Variants in CCDC17 observed in about 807,000 individuals in gnomAD.
CCDC17 encodes coiled-coil domain containing 17.
A neutral mutation model predicts 68.0 loss-of-function variants in CCDC17; 79 were observed. The observed-to-expected ratio is 1.16, with a 90% CI of 0.97 to 1.40. The LOEUF is 1.40. Among genes scored for constraint, CCDC17 ranks in the 40% most tolerant of loss-of-function variants. The pLI, the probability that CCDC17 is intolerant of heterozygous loss-of-function variation, is 0.00. For missense variants in CCDC17, 846 were observed against 811.5 expected, an observed-to-expected ratio of 1.04 and a Z score of -0.52; for synonymous variants, 376 against 337.5, an observed-to-expected ratio of 1.11 and a Z score of -1.25.
rs536276500 is a variant in CCDC17 at position 45,620,981 on chromosome 1, A to G, written c.1521T>C (p.Ser507=). ...CCCGAAGTGGGAGGCGCCAGCGGCCACTTAGCACCCGCTGATCTTGGTCAA... is the reference window on the plus strand; with the variant it reads ...CCCGAAGTGGGAGGCGCCAGCGGCCGCTTAGCACCCGCTGATCTTGGTCAA... ...GLFDQDQRVL[S]GRWRLPLRAL... The change falls in exon 11 of 13, where the codon AGT becomes AGC. Residue 507 remains serine (S), a synonymous_variant. Transcript: ENST00000528266. 2.5e-6 allele frequency: 4 copies of G among 1,613,852 alleles called. No homozygotes were observed. Among genetic ancestry groups the G allele is most frequent in the Admixed American group, 1.7e-5 (1 of 59,980 alleles).
rs774329603 is a variant in CCDC17, at chr1:45,623,692, C to G, written c.175-40G>C. 1.9e-6 allele frequency: 3 copies of G among 1,549,284 alleles called. No individual in the cohort carries two copies. In the South Asian group the frequency reaches 3.6e-5, roughly 18 times the overall value. ...TAGTAGGATGAGGAATCATAAAGGT[C>G]CTGGCTCCTTTGAATCCCCACCCAT... On this transcript the variant is annotated intron_variant, in intron 1 of 12. Coordinates refer to ENST00000528266, the MANE Select transcript of CCDC17 (RefSeq NM_001114938.3).
chr1:45,622,108 C>T (rs1035928362), intron 7 of CCDC17, 113 bp from the exon 8 acceptor site: 32 of 1,284,974 alleles, frequency 2.5e-5, no homozygotes, highest in South Asian at 1.1e-4. Context: ...CCTGTGGATA[C>T]AGGGATACAC....
chr1:45,623,997 A>C lies in CCDC17; in HGVS notation c.-88T>G, dbSNP rs754310789. ...GGCAGAGGAGGATGAAAGAGACATA[A>C]AGCCAGAGGCAGAGAGGAAAGGCCG... On this transcript the variant is annotated 5_prime_UTR_variant, in exon 1 of 13. Transcript: ENST00000528266. The C allele has an allele frequency of 1.8e-5, 17 of 946,426 alleles. No homozygotes were observed. Among genetic ancestry groups the C allele is most frequent in the Non-Finnish European group, 2.5e-5 (16 of 641,244 alleles). The allele number at this position is 946,426 out of a possible 1,614,324, so 58.6% of individuals were successfully genotyped here. A position where few individuals can be genotyped will look rare whatever the true frequency, so the allele number is the denominator to read the frequency against.
chr1:45,622,886 G>A (rs2148396400), intron 4 of CCDC17, 52 bp from the exon 5 acceptor site: 5 of 1,573,748 alleles, frequency 3.2e-6, no homozygotes, highest in Non-Finnish European at 4.3e-6. Flanking sequence ...GAGGCCCCGG[G>A]GCTGCAGCCA....
chr1:45,621,961 G>T lies in CCDC17; in HGVS notation c.1002C>A (p.Ser334Arg). 1 of 1,610,818 alleles carries T rather than the reference G, an allele frequency of 6.2e-7. No individual in the cohort carries two copies. ...PQDLRLLGDA[S>R]LQPKGRRDPP... ...GATCTCTCCTCCCCTTCGGTTGTAG[G>T]CTGGCATCCCCCAGGAGTCGCAGAT... The change falls in exon 8 of 13, where the codon AGC (serine) becomes AGA (arginine). Residue 334 changes from serine to arginine, a missense_variant. By Grantham distance (110) the Ser-to-Arg change is moderately radical. Transcript: ENST00000528266.
chr1:45,623,752 TCA>T lies in CCDC17; in HGVS notation c.156_157del (p.Glu53ThrfsTer28). ...GGCCCTTACCGCGGCCCGCTGGGGTTCAGTGGCAACTGATGCCTGTGCTCCAA... is the reference window on the plus strand; with the variant it reads ...GGCCCTTACCGCGGCCCGCTGGGGTTGTGGCAACTGATGCCTGTGCTCCAA... On this transcript the variant is annotated frameshift_variant, in exon 1 of 13. Transcript: ENST00000528266. LOFTEE classifies it high-confidence loss of function. The T allele has an allele frequency of 6.4e-7, 1 of 1,551,212 alleles. No homozygotes were observed. Among genetic ancestry groups the T allele is most frequent in the Non-Finnish European group, 8.7e-7 (1 of 1,146,698 alleles).
chr1:45,621,102 G>A lies in CCDC17; in HGVS notation c.1400C>T (p.Ser467Leu). The part of the protein sequence containing the change: ...SRQPVPRLPP[S>L]SSVSLVCELQ... ...CTCACAGACCAAAGATACTGATGAT[G>A]AGGGTGGTAGTCTGTAGAATAACCA... The change falls in exon 11 of 13, where the codon TCA (serine) becomes TTA (leucine). Residue 467 changes from serine (S) to leucine (L), a missense_variant. By Grantham distance (145) the Ser-to-Leu change is moderately radical. Coordinates refer to ENST00000528266, the MANE Select transcript of CCDC17 (RefSeq NM_001114938.3). 6.2e-7 allele frequency: 1 copy of A among 1,613,570 alleles called. No individual in the cohort carries two copies. Among genetic ancestry groups the A allele is most frequent in the African/African-American group, 1.3e-5 (1 of 75,062 alleles).
In CCDC17 at chr1:45,621,353, C is replaced by A; in HGVS notation, c.1316G>T (p.Cys439Phe). 6.3e-7 allele frequency: 1 copy of A among 1,590,278 alleles called. No individual in the cohort carries two copies. The highest frequency in any genetic ancestry group is 8.6e-7 in the Non-Finnish European group (1 of 1,168,436). ...CCCGGGAGCAGGAGGTGGGGGCAGG[C>A]AAAGGGCTGGGGGCAACGCTGTGGT... ...GRTTALPPALCLPPPPAPGPM... is the reference protein window; with the variant it reads ...GRTTALPPALFLPPPPAPGPM... The change falls in exon 10 of 13, where the codon TGC (cysteine) becomes TTC (phenylalanine). Residue 439 changes from cysteine (C) to phenylalanine (F), a missense_variant. Physicochemically the swap from Cys to Phe is radical, Grantham distance 205. Coordinates refer to ENST00000528266, the MANE Select transcript of CCDC17 (RefSeq NM_001114938.3).
chr1:45,621,494 A>G lies in CCDC17; in HGVS notation c.1185-10T>C. On this transcript the variant is annotated splice_polypyrimidine_tract_variant and intron_variant, in intron 9 of 12. Transcript: ENST00000528266. ...AATGACCAGGCCAGCCCTGGGGAAC[A>G]CAAGTCTTAGCACAGAAATACCCAA... 1 of 1,579,272 alleles carries G rather than the reference A, an allele frequency of 6.3e-7. No homozygotes were observed. Among genetic ancestry groups the G allele is most frequent in the Non-Finnish European group, 8.6e-7 (1 of 1,163,030 alleles).
At position 45,622,206 on chromosome 1, in the gene CCDC17, A is replaced by AG. The variant is rs573253340; in HGVS notation, c.967+34_967+35insC. 649 of 1,573,910 alleles carry AG rather than the reference A, an allele frequency of 4.1e-4. 5 individuals are homozygous for AG. The African/African-American group carries it at 7.9e-3, about 19-fold the overall frequency. On this transcript the variant is annotated intron_variant, in intron 7 of 12. Transcript: ENST00000528266. ...TGAGCCAGGCCTGCTGGGGAGAGAT[A>AG]AGTGGGATGGGATAGGGTTGGGGTG...
In CCDC17 at chr1:45,622,668, C is replaced by G. The variant is rs1370120790; in HGVS notation, c.741-1G>C. On this transcript the variant is annotated splice_acceptor_variant, in intron 5 of 12. Transcript: ENST00000528266. LOFTEE classifies it high-confidence loss of function. The stretch of plus-strand genomic sequence containing the variant: ...TCGAATGTAGGCCTCCCGCAGCGCC[C>G]TAGGGAGTGGGGAACAGGAAGGCCG... 3 of 1,554,650 alleles carry G rather than the reference C, an allele frequency of 1.9e-6. No homozygotes were observed. Among genetic ancestry groups the G allele is most frequent in the South Asian group, 2.4e-5 (2 of 84,260 alleles).
In CCDC17 at chr1:45,621,421, T is replaced by C; in HGVS notation, c.1248A>G (p.Gln416=). The part of the protein sequence containing the change: ...RGLEASWIWV[Q]LRTGLARDGR... ...CATCGCGTGCCAAGCCAGTCCTTAGTTGCACCCAAATCCAGGAAGCCTCAA... is the reference window on the plus strand; with the variant it reads ...CATCGCGTGCCAAGCCAGTCCTTAGCTGCACCCAAATCCAGGAAGCCTCAA... The change falls in exon 10 of 13, where the codon CAA becomes CAG. Residue 416 remains glutamine, a synonymous_variant. Transcript: ENST00000528266. 1.3e-6 allele frequency: 2 copies of C among 1,598,408 alleles called. No homozygotes were observed. The highest frequency in any genetic ancestry group is 1.1e-5 in the South Asian group (1 of 88,154).
chr1:45,621,914 A>G lies in CCDC17; in HGVS notation c.1049T>C (p.Val350Ala). ...TGGAAGTGGTGGCAGCGGTGGTGCCACCGGTGGCGGGAGGAGTGGGGGATC... is the reference window on the plus strand; with the variant it reads ...TGGAAGTGGTGGCAGCGGTGGTGCCGCCGGTGGCGGGAGGAGTGGGGGATC... Reference protein sequence around the residue: ...RRDPPLLPPPVAPPLPPLPGF... With the variant: ...RRDPPLLPPPAAPPLPPLPGF... The change falls in exon 8 of 13, where the codon GTG becomes GCG. Residue 350 changes from valine (V) to alanine (A), a missense_variant. Coordinates refer to ENST00000528266, the MANE Select transcript of CCDC17 (RefSeq NM_001114938.3). The G allele has an allele frequency of 6.2e-7, 1 of 1,607,676 alleles. No homozygotes were observed.
In CCDC17 at chr1:45,623,082, G is replaced by A; in HGVS notation, c.529C>T (p.Arg177Trp). The A allele has an allele frequency of 6.3e-7, 1 of 1,596,846 alleles. No homozygotes were observed. The highest frequency in any genetic ancestry group is 8.5e-7 in the Non-Finnish European group (1 of 1,172,382). ...SRRLQVVACTRGGMSRLFGLE... is the reference protein window; with the variant it reads ...SRRLQVVACTWGGMSRLFGLE... Reference sequence around the variant, plus strand: ...CCGAAGAGGCGGGACATCCCGCCCCGCGTACAGGCCACAACTTGGAGGCGT... The same window carrying A: ...CCGAAGAGGCGGGACATCCCGCCCCACGTACAGGCCACAACTTGGAGGCGT... Residue 177 changes from arginine to tryptophan, a missense_variant, in exon 4 of 13, where the codon CGG becomes TGG. Transcript: ENST00000528266.
Position 45,621,705 on chromosome 1 carries a change from G to GGTT in CCDC17, c.1114_1116dup (p.Asn372dup). ...AGGAGGAAGTGTGAGTCCAGGCCCA[G>GGTT]GTTTCTGGTCATTGTTCCAGGAAGC... On this transcript the variant is annotated inframe_insertion, in exon 9 of 13. Transcript: ENST00000528266. 1 of 1,613,902 alleles carries GGTT rather than the reference G, an allele frequency of 6.2e-7. No homozygotes were observed. Among genetic ancestry groups the GGTT allele is most frequent in the Non-Finnish European group, 8.5e-7 (1 of 1,179,866 alleles).
At chr1:45,622,473 A>G in intron 6 of CCDC17, 76 bp downstream of exon 6, 1 of 1,486,364 alleles carries the variant, frequency 6.7e-7, no homozygotes, top group Non-Finnish European at 9.1e-7. Context: ...CATGCCATCC[A>G]CAGCCACAGG....
Position 45,620,397 on chromosome 1 carries a change from T to G in CCDC17, c.1747A>C (p.Thr583Pro), listed in dbSNP as rs764302605. Residue 583 changes from threonine (T) to proline (P), a missense_variant, in exon 13 of 13, where the codon ACC becomes CCC. By Grantham distance (38) the Thr-to-Pro change is conservative. Transcript: ENST00000528266. Reference protein sequence around the residue: ...STSSLEASFLTPAVGFADPPP... With the variant: ...STSSLEASFLPPAVGFADPPP... ...GGATCAGCAAAGCCAACTGCGGGGGTGAGGAAGCTGGCTTCCAGTGAAGAT... is the reference window on the plus strand; with the variant it reads ...GGATCAGCAAAGCCAACTGCGGGGGGGAGGAAGCTGGCTTCCAGTGAAGAT... The G allele has an allele frequency of 1.0e-5, 16 of 1,594,114 alleles. No individual in the cohort carries two copies. Among genetic ancestry groups the G allele is most frequent in the Non-Finnish European group, 1.4e-5 (16 of 1,173,088 alleles).
rs1292184283 is a variant in CCDC17, at chr1:45,620,925, C to T, written c.1577G>A (p.Gly526Glu). Residue 526 changes from glycine to glutamate, a missense_variant, in exon 11 of 13, where the codon GGG (glycine) becomes GAG (glutamate). Coordinates refer to ENST00000528266, the MANE Select transcript of CCDC17 (RefSeq NM_001114938.3). ...ALPLDPSLSL[G>E]QLNGIPQAGQ... The stretch of plus-strand genomic sequence containing the variant: ...CACCTGAGGAATCCCATTCAGCTGC[C>T]CAAGGCTAAGGCTGGGGTCCAGAGG... 3 of 1,613,798 alleles carry T rather than the reference C, an allele frequency of 1.9e-6. No homozygotes were observed. Among genetic ancestry groups the T allele is most frequent in the Non-Finnish European group, 2.5e-6 (3 of 1,179,818 alleles).
Position 45,620,848 on chromosome 1 carries a change from A to G in CCDC17, c.1600-15T>C, listed in dbSNP as rs1048067280. ...GCCTGACCTGCCTGGGGAGAGATGA[A>G]ATGGTATTGCACTTGTACTTTGCTG... On this transcript the variant is annotated splice_polypyrimidine_tract_variant and intron_variant, in intron 11 of 12. Coordinates refer to ENST00000528266, the MANE Select transcript of CCDC17 (RefSeq NM_001114938.3). 4 of 1,610,280 alleles carry G rather than the reference A, an allele frequency of 2.5e-6. No individual in the cohort carries two copies. The highest frequency in any genetic ancestry group is 3.4e-5 in the Admixed American group (2 of 59,356).
Sources: allele counts gnomAD v4.1 joint callset, GRCh38; gene constraint gnomAD v4.1.1; transcripts MANE v1.5; gene names NCBI Gene and HGNC (gene_info 2026-07-23, HGNC 2026-07-21).